Variants in AOAH observed in about 807,000 individuals in gnomAD.
AOAH encodes the protein acyloxyacyl hydrolase (neutrophil).
A neutral mutation model predicts 92.2 loss-of-function variants in AOAH; 64 were observed. That is an observed-to-expected ratio of 0.69 (90% confidence interval 0.57 to 0.86). The LOEUF (loss-of-function observed/expected upper bound fraction) is 0.86. Ranked by LOEUF, AOAH falls within the 40% of genes least tolerant of loss-of-function variation. The pLI is 0.00. For synonymous variants in AOAH, 263 were observed against 254.5 expected (o/e 1.03, Z -0.32); for missense variants, 656 against 694.6 (o/e 0.94, Z 0.62).
chr7:36,632,574 T>C (rs150712920), intron 5 of AOAH, among the ~76,000 whole-genome samples: 177 of 152,224 alleles, frequency 1.2e-3, no homozygotes, highest in African/African-American at 3.9e-3. Flanking sequence ...CCCTTGTGCT[T>C]CTTGAGCTGT....
At chr7:36,708,081 C>T (rs565787021) in intron 1 of AOAH, among the ~76,000 whole-genome samples, 167 of 152,178 alleles carry the variant, frequency 1.1e-3, no homozygotes, top group African/African-American at 3.8e-3. Flanking sequence ...GTGTGAGCCA[C>T]TGCACCTGGC....
At chr7:36,690,788 G>A (rs1472256591) in intron 1 of AOAH, among the ~76,000 whole-genome samples, 4 of 152,124 alleles carry the variant, frequency 2.6e-5, no homozygotes, top group African/African-American at 4.8e-5. Flanking sequence ...AATAGAAACA[G>A]ACACTCCTGG....
chr7:36,676,442 T>G (rs1006906036), intron 2 of AOAH, among the ~76,000 whole-genome samples: 1 of 152,178 alleles, frequency 6.6e-6, no homozygotes, highest in African/African-American at 2.4e-5. Context: ...ACTACATTGT[T>G]AAAAGAAGTT....
At chr7:36,528,074 G>A (rs1255020448) in intron 19 of AOAH, among the ~76,000 whole-genome samples, 1 of 152,162 alleles carries the variant, frequency 6.6e-6, no homozygotes, top group Non-Finnish European at 1.5e-5. Flanking sequence ...GATGTTCATG[G>A]AGGCAGGTCC....
intron 13 of AOAH, among the ~76,000 whole-genome samples, chr7:36,574,347 C>T (rs542327050): frequency 6.6e-6 from 1 of 152,338 alleles, no homozygotes; most frequent in Non-Finnish European, 1.5e-5. Context: ...GGCTCTCTTC[C>T]TGTCTCCTGT....
chr7:36,560,466 A>G (rs1452009486), intron 13 of AOAH, among the ~76,000 whole-genome samples: 1 of 152,160 alleles, frequency 6.6e-6, no homozygotes, highest in Non-Finnish European at 1.5e-5. Context: ...GGTTAGATGT[A>G]TTCCTAGGTA....
chr7:36,554,967 A>G (rs1378099134), intron 13 of AOAH, among the ~76,000 whole-genome samples: 2 of 137,618 alleles, frequency 1.5e-5, no homozygotes, highest in African/African-American at 2.8e-5. Context: ...CTAATTGAAT[A>G]CCCTTTATTT....
chr7:36,678,612 C>CGCGCGT (rs1237289188), intron 2 of AOAH, among the ~76,000 whole-genome samples: 2 of 111,554 alleles, frequency 1.8e-5, no homozygotes, highest in Non-Finnish European at 3.9e-5. Flanking sequence ...CGCGCGCGCG[C>CGCGCGT]GCGTTAGAAT....
chr7:36,695,825 T>C (rs1797674006), intron 1 of AOAH, among the ~76,000 whole-genome samples: 1 of 152,238 alleles, frequency 6.6e-6, no homozygotes, highest in East Asian at 1.9e-4. Context: ...GTACAACTTA[T>C]CAACATTTCC....
In AOAH at chr7:36,527,113, C is replaced by A. The variant is rs546970426; in HGVS notation, c.1522+3305G>T. 9.8e-5 allele frequency among the ~76,000 whole-genome samples: 15 copies of A among 152,328 alleles called. No homozygotes were observed. The South Asian group carries it at 2.7e-3, about 27-fold the overall frequency. On this transcript the variant is annotated intron_variant, in intron 19 of 20. Coordinates refer to ENST00000617537, the MANE Select transcript of AOAH (RefSeq NM_001637.4). The stretch of plus-strand genomic sequence containing the variant: ...TCCTGAAGGGAGGAAAAGTTGCTGC[C>A]TCTGTTTAGTTCATAACCAGTTGGA...
chr7:36,533,287 G>T (rs547728057), intron 16 of AOAH, among the ~76,000 whole-genome samples: 1 of 151,960 alleles, frequency 6.6e-6, no homozygotes, highest in Non-Finnish European at 1.5e-5. Flanking sequence ...TCACACTCTT[G>T]AAAACATAAA....
At chr7:36,534,148 C>T (rs1350379075) in intron 16 of AOAH, among the ~76,000 whole-genome samples, 1 of 152,174 alleles carries the variant, frequency 6.6e-6, no homozygotes, top group African/African-American at 2.4e-5. Context: ...GCTCCTGTGA[C>T]ACTGGGAACT....
At chr7:36,577,387 C>T (rs182187646) in intron 12 of AOAH, among the ~76,000 whole-genome samples, 50 of 152,260 alleles carry the variant, frequency 3.3e-4, no homozygotes, top group African/African-American at 7.9e-4. Flanking sequence ...ATAAGGTTGA[C>T]GTTGAGAAGG....
intron 11 of AOAH, among the ~76,000 whole-genome samples, chr7:36,604,168 G>A (rs1037333396): frequency 6.6e-6 from 1 of 152,096 alleles, no homozygotes; most frequent in Non-Finnish European, 1.5e-5. Flanking sequence ...CTTCTCATCG[G>A]CCCCACCTCT....
intron 13 of AOAH, among the ~76,000 whole-genome samples, chr7:36,570,029 T>C (rs1737353957): frequency 6.6e-6 from 1 of 152,252 alleles, no homozygotes; most frequent in Non-Finnish European, 1.5e-5. Flanking sequence ...CTTAACATGG[T>C]AACTGTTCTC....
At chr7:36,623,438 T>C (rs1792429242) in intron 6 of AOAH, among the ~76,000 whole-genome samples, 188 bp from the exon 7 acceptor site, 1 of 152,194 alleles carries the variant, frequency 6.6e-6, no homozygotes, top group African/African-American at 2.4e-5. Context: ...ATCTCTGCTC[T>C]TTACCCAACA....
chr7:36,594,754 G>A, intron 11 of AOAH: 1 of 360,744 alleles, frequency 2.8e-6, no homozygotes, highest in South Asian at 2.7e-5. Context: ...TCTCCATTTT[G>A]CAGTTTAGGC....
chr7:36,620,289 G>A (rs1046636428), intron 9 of AOAH, among the ~76,000 whole-genome samples: 1 of 151,798 alleles, frequency 6.6e-6, no homozygotes, highest in Non-Finnish European at 1.5e-5. Flanking sequence ...CTTTCCCCGG[G>A]AGCTGCAAAT....
chr7:36,533,676 TGC>T lies in AOAH; in HGVS notation c.1307-1334_1307-1333del, dbSNP rs900377629. Among the ~76,000 whole-genome samples, 47 of 110,428 alleles carry T rather than the reference TGC, an allele frequency of 4.3e-4. 1 individual carries two copies. Among genetic ancestry groups the T allele is most frequent in the Admixed American group, 3.9e-3 (38 of 9,806 alleles). The allele number at this position is 110,428 out of a possible 152,430, so 72.4% of individuals were successfully genotyped here. On this transcript the variant is annotated intron_variant, in intron 16 of 20. Coordinates refer to ENST00000617537, the MANE Select transcript of AOAH (RefSeq NM_001637.4). ...GAGGATTTGTTCCCTCTATTTTGTGTGCGTGTGTGTGTGTGTGTGTGTGTTTG... is the reference window on the plus strand; with the variant it reads ...GAGGATTTGTTCCCTCTATTTTGTGTGTGTGTGTGTGTGTGTGTGTGTTTG...
Sources: allele counts gnomAD v4.1 joint callset (sites outside exome capture counted in the v4.1 genomes callset), GRCh38; gene constraint gnomAD v4.1.1; transcripts MANE v1.5; gene names NCBI Gene and HGNC (gene_info 2026-07-23, HGNC 2026-07-21).